Variants in ERICH1 observed in about 807,000 individuals in gnomAD.
ERICH1 encodes glutamate rich 1, also known as glutamate-rich protein 1.
Under a neutral mutation model 39.6 loss-of-function variants are expected in ERICH1, and 56 were observed. That is an observed-to-expected ratio of 1.41 (90% confidence interval 1.14 to 1.77). The LOEUF (loss-of-function observed/expected upper bound fraction) is 1.77, where lower values mean the gene tolerates loss of function less well. Among genes scored for constraint, ERICH1 ranks in the 40% most tolerant of loss-of-function variants. The probability of loss-of-function intolerance (pLI) is 0.00; values close to 1 mark genes in which losing one functional copy is unlikely to be tolerated. For missense variants in ERICH1, 826 were observed against 575.4 expected, an observed-to-expected ratio of 1.44 and a Z score of -4.45; for synonymous variants, 313 against 223.6, an observed-to-expected ratio of 1.40 and a Z score of -3.57.
chr8:627,112 T>A (rs1218586529), intron 3 of ERICH1: 4 of 456,226 alleles, frequency 8.8e-6, no homozygotes, highest in Non-Finnish European at 1.8e-5. Flanking sequence ...GACACCTGCA[T>A]CAGTCAAGGT....
At chr8:622,119 G>C (rs1211960442) in intron 3 of ERICH1, among the ~76,000 whole-genome samples, 2 of 152,202 alleles carry the variant, frequency 1.3e-5, no homozygotes, top group Non-Finnish European at 2.9e-5. Context: ...CTACTTGGGA[G>C]ACTGTGGCAG....
chr8:692,490 C>G lies in ERICH1; in HGVS notation c.292G>C (p.Asp98His), dbSNP rs1202519573. Residue 98 changes from aspartate to histidine, a missense_variant, in exon 3 of 6, where the codon GAT becomes CAT. By Grantham distance (81) the Asp-to-His change is moderately conservative (BLOSUM62 -1). Transcript: ENST00000262109. ...CCCAGCATTTTACCTTCTGTGTCATCCCCGCTGGAGGCGTTCTCGGGGCTC... is the reference window on the plus strand; with the variant it reads ...CCCAGCATTTTACCTTCTGTGTCATGCCCGCTGGAGGCGTTCTCGGGGCTC... Reference protein sequence around the residue: ...CGSPENASSGDDTEDQDPHDQ... With the variant: ...CGSPENASSGHDTEDQDPHDQ... 6.2e-7 allele frequency: 1 copy of G among 1,614,122 alleles called. No individual in the cohort carries two copies. Among genetic ancestry groups the G allele is most frequent in the Admixed American group, 1.7e-5 (1 of 59,994 alleles).
chr8:704,654 T>C (rs543906516), intron 2 of ERICH1, among the ~76,000 whole-genome samples: 2 of 150,826 alleles, frequency 1.3e-5, no homozygotes, highest in South Asian at 4.2e-4. Context: ...AGGACGGGGG[T>C]TGTAAAAAAT....
intron 1 of ERICH1, among the ~76,000 whole-genome samples, chr8:718,352 A>C (rs1289100200): frequency 6.6e-6 from 1 of 152,168 alleles, no homozygotes; most frequent in Non-Finnish European, 1.5e-5. Context: ...GCTAAAAGCG[A>C]CATAATAAGA....
rs559437982 is a variant in ERICH1, at chr8:719,934, C to T, written c.23-3927G>A. ...TGGACCTGGTGCCCTCCAGCCCACC[C>T]GGCCCTCCCATGAGCACACAAGGCC... is the stretch of plus-strand genomic sequence containing the variant. On this transcript the variant is annotated intron_variant, in intron 1 of 5. Transcript: ENST00000262109. Among the ~76,000 whole-genome samples the T allele has an allele frequency of 4.2e-4, 64 of 152,266 alleles. 1 individual carries two copies. The South Asian group carries it at 0.012, about 28-fold the overall frequency.
At chr8:650,197 G>T (rs975938294) in intron 3 of ERICH1, among the ~76,000 whole-genome samples, 1 of 152,194 alleles carries the variant, frequency 6.6e-6, no homozygotes, top group Non-Finnish European at 1.5e-5. Flanking sequence ...CTGCACTCAG[G>T]AGCTGCGTCC....
At position 668,760 on chromosome 8, in the gene ERICH1, C is replaced by T. The variant is rs780141712; in HGVS notation, c.1096G>A (p.Ala366Thr). 2.2e-5 allele frequency: 35 copies of T among 1,611,478 alleles called. No individual in the cohort carries two copies. The highest frequency in any genetic ancestry group is 2.0e-4 in the East Asian group (9 of 44,850). ...TCCAGCAGCTCCTCAGCGGCATCTG[C>T]GAGGGCAGCTGAAGCTGCATCTCTG... The part of the protein sequence containing the change: ...VSRDAASAAL[A>T]DAAEELLDRL... Residue 366 changes from alanine to threonine, a missense_variant, in exon 5 of 6, where the codon GCA (alanine) becomes ACA (threonine). Physicochemically the swap from Ala to Thr is moderately conservative, Grantham distance 58. Coordinates refer to ENST00000262109, the MANE Select transcript of ERICH1 (RefSeq NM_207332.3).
chr8:649,838 C>G (rs1323784629), intron 3 of ERICH1, among the ~76,000 whole-genome samples: 2 of 152,230 alleles, frequency 1.3e-5, no homozygotes, highest in African/African-American at 2.4e-5. Flanking sequence ...CAGCTGGGCT[C>G]CAGCAAGAGC....
chr8:711,164 G>C (rs1038650883), intron 2 of ERICH1, among the ~76,000 whole-genome samples: 1 of 152,144 alleles, frequency 6.6e-6, no homozygotes, highest in African/African-American at 2.4e-5. Context: ...CCTTGGTGAG[G>C]TCCACATCTT....
chr8:686,776 G>C (rs60772967), intron 3 of ERICH1: 28,483 of 152,292 alleles, frequency 0.19, 3,661 homozygotes, highest in East Asian at 0.53. Context: ...GAGAGAGAGA[G>C]AGAGAGCGCG....
At chr8:655,269 C>G (rs910767709) in intron 3 of ERICH1, among the ~76,000 whole-genome samples, 1 of 152,206 alleles carries the variant, frequency 6.6e-6, no homozygotes, top group Admixed American at 6.5e-5. Context: ...TTCTAAAATT[C>G]TCTTTCACTC....
At chr8:627,363 A>G in intron 3 of ERICH1, 1 of 380,054 alleles carries the variant, frequency 2.6e-6, no homozygotes. Flanking sequence ...TGGACAGGAA[A>G]AGTCTGCACC....
At chr8:618,016 T>C (rs923628056) in intron 3 of ERICH1, among the ~76,000 whole-genome samples, 2 of 149,248 alleles carry the variant, frequency 1.3e-5, no homozygotes, top group African/African-American at 5.0e-5. Context: ...TACTTGGTGC[T>C]TGGTCCATCC....
At chr8:658,576 T>C (rs530188412) in intron 3 of ERICH1, among the ~76,000 whole-genome samples, 44 of 152,270 alleles carry the variant, frequency 2.9e-4, no homozygotes, top group Admixed American at 1.4e-3. Context: ...GCGGCCCACG[T>C]CCATGTTGAT....
intron 1 of ERICH1, 93 bp from the exon 2 acceptor site, chr8:716,100 A>C: frequency 7.0e-7 from 1 of 1,428,368 alleles, no homozygotes; most frequent in Non-Finnish European, 9.3e-7. Context: ...ACACAAACAC[A>C]CACATCCTGA....
intron 2 of ERICH1, among the ~76,000 whole-genome samples, chr8:700,030 C>G (rs1811520244): frequency 7.1e-6 from 1 of 140,638 alleles, no homozygotes; most frequent in African/African-American, 2.7e-5. Context: ...CGCACAGACC[C>G]TCACAGGCGC....
intron 3 of ERICH1, among the ~76,000 whole-genome samples, chr8:634,191 C>CAAACAAAG: frequency 7.7e-6 from 1 of 129,916 alleles, no homozygotes; most frequent in Non-Finnish European, 1.7e-5. Flanking sequence ...AAAAAACAAA[C>CAAACAAAG]AAAAAAAACC....
At chr8:636,404 C>T (rs546179921) in intron 3 of ERICH1, among the ~76,000 whole-genome samples, 4 of 152,338 alleles carry the variant, frequency 2.6e-5, no homozygotes, top group African/African-American at 9.6e-5. Flanking sequence ...GCCTTTTCAT[C>T]GTTCCTCCCT....
chr8:719,099 G>C (rs943657185), intron 1 of ERICH1, among the ~76,000 whole-genome samples: 1 of 152,122 alleles, frequency 6.6e-6, no homozygotes, highest in Non-Finnish European at 1.5e-5. Context: ...AGGCCCTGGG[G>C]CCACTGCCTG....
Sources: gnomAD v4.1 joint callset for allele counts (sites outside exome capture counted in the v4.1 genomes callset) on GRCh38, gnomAD v4.1.1 for gene constraint, MANE v1.5 for transcripts, NCBI Gene and HGNC (gene_info 2026-07-23, HGNC 2026-07-21) for gene names.